ZBED3: variants seen among roughly 807,000 people sequenced by gnomAD.
ZBED3 encodes zinc finger BED domain-containing protein 3.
For missense variants in ZBED3, 388 were observed against 362.9 expected, an observed-to-expected ratio of 1.07 and a Z score of -0.56; for synonymous variants, 175 against 180.0, an observed-to-expected ratio of 0.97 and a Z score of 0.22.
intron 1 of ZBED3, among the ~76,000 whole-genome samples, chr5:77,083,666 T>A (rs1743176796): frequency 6.6e-6 from 1 of 152,228 alleles, no homozygotes; most frequent in Non-Finnish European, 1.5e-5. Context: ...TTTTAATGGC[T>A]AAAAGGCAGT....
At chr5:77,083,818 T>G (rs1479083682) in intron 1 of ZBED3, among the ~76,000 whole-genome samples, 1 of 152,200 alleles carries the variant, frequency 6.6e-6, no homozygotes, top group Admixed American at 6.5e-5. Flanking sequence ...TTTCACTTCC[T>G]AAATTGAACT....
intron 2 of ZBED3, among the ~76,000 whole-genome samples, chr5:77,078,139 C>T (rs1353303794): frequency 6.6e-6 from 1 of 152,186 alleles, no homozygotes; most frequent in Non-Finnish European, 1.5e-5. Context: ...CAAGTGGGTC[C>T]CCAGTCAACA....
At chr5:77,081,516 A>T (rs571065376) in intron 1 of ZBED3, among the ~76,000 whole-genome samples, 1 of 151,714 alleles carries the variant, frequency 6.6e-6, no homozygotes, top group South Asian at 2.1e-4. Context: ...TGCTTGGCTA[A>T]TTTTTGTATT....
chr5:77,079,438 A>G (rs1362819761), intron 1 of ZBED3: 2 of 152,260 alleles, frequency 1.3e-5, no homozygotes, highest in African/African-American at 4.8e-5. Flanking sequence ...AGTAGCATTT[A>G]GTGTAAACTA....
In ZBED3 at chr5:77,075,990, T is replaced by C. The variant is rs1447505654; in HGVS notation, c.*1184A>G. The C allele has an allele frequency of 4.2e-3, 182 of 43,302 alleles. 39 individuals are homozygous for C. Among genetic ancestry groups the C allele is most frequent in the Non-Finnish European group, 6.1e-3 (113 of 18,560 alleles). The allele number at this position is 43,302 out of a possible 1,614,324, so 2.7% of individuals were successfully genotyped here. ...ATGTATATGTATATATGTATATATA[T>C]ATGTATATATGTATATATATATGTA... On this transcript the variant is annotated 3_prime_UTR_variant, in exon 3 of 3. Coordinates refer to ENST00000255198, the MANE Select transcript of ZBED3 (RefSeq NM_032367.4).
Position 77,076,773 on chromosome 5 carries a change from G to A in ZBED3, c.*401C>T, listed in dbSNP as rs755043724. 2.5e-5 allele frequency: 4 copies of A among 159,942 alleles called. No individual in the cohort carries two copies. Among genetic ancestry groups the A allele is most frequent in the Non-Finnish European group, 5.4e-5 (4 of 74,094 alleles). The allele number at this position is 159,942 out of a possible 1,614,324, so 9.9% of individuals were successfully genotyped here. On this transcript the variant is annotated 3_prime_UTR_variant, in exon 3 of 3. Transcript: ENST00000255198. ...GCTGCTGGGTGTATAGGCACATGGTGTGATAAGTCTTTGGTATGGAATGAA... is the reference window on the plus strand; with the variant it reads ...GCTGCTGGGTGTATAGGCACATGGTATGATAAGTCTTTGGTATGGAATGAA...
rs1561296289 is a variant in ZBED3, at chr5:77,075,951, ATATATATATATATATG to A, written c.*1207_*1222del. ...CTTAAAGTATTATATATACATATAT[ATATATATATATATATG>A]TATATGTATATATGTATATATATAT... is the stretch of plus-strand genomic sequence containing the variant. On this transcript the variant is annotated 3_prime_UTR_variant, in exon 3 of 3. Coordinates refer to ENST00000255198, the MANE Select transcript of ZBED3 (RefSeq NM_032367.4). 6.0e-5 allele frequency: 2 copies of A among 33,540 alleles called. 1 individual carries two copies. The highest frequency in any genetic ancestry group is 2.0e-4 in the African/African-American group (2 of 9,874). 2.1% of individuals were successfully genotyped at this position (33,540 alleles called of 1,614,324 possible).
chr5:77,077,233 G>GC lies in ZBED3; in HGVS notation c.645dup (p.Leu216AlafsTer8). ...CTGTCACCCTCGGGGTCGTCCTTGA[G>GC]CGGCGGCGGCGCAGCGGGGGCCCAG... On this transcript the variant is annotated frameshift_variant, in exon 3 of 3. Coordinates refer to ENST00000255198, the MANE Select transcript of ZBED3 (RefSeq NM_032367.4). LOFTEE classifies it high-confidence loss of function. The GC allele has an allele frequency of 6.7e-7, 1 of 1,486,918 alleles. No homozygotes were observed. Among genetic ancestry groups the GC allele is most frequent in the African/African-American group, 1.4e-5 (1 of 69,630 alleles). The allele number at this position is 1,486,918 out of a possible 1,614,324, so 92.1% of individuals were successfully genotyped here.
In ZBED3 at chr5:77,074,734, A is replaced by T. The variant is rs543928716; in HGVS notation, c.*2440T>A. The T allele has an allele frequency of 1.3e-5, 2 of 152,340 alleles. No individual in the cohort carries two copies. The highest frequency in any genetic ancestry group is 4.8e-5 in the African/African-American group (2 of 41,544). 9.4% of individuals were successfully genotyped at this position (152,340 alleles called of 1,614,324 possible). On this transcript the variant is annotated 3_prime_UTR_variant, in exon 3 of 3. Transcript: ENST00000255198. ...GCTGGGTCGACTGAAGGAAGCAGAG[A>T]TCTCAGGAAGCAGTACATGGTGGTA...
chr5:77,078,279 T>C (rs925615092), intron 2 of ZBED3, among the ~76,000 whole-genome samples: 1 of 152,224 alleles, frequency 6.6e-6, no homozygotes, highest in Non-Finnish European at 1.5e-5. Context: ...ATAAAAAAGG[T>C]ACTGTCTTCA....
intron 1 of ZBED3, among the ~76,000 whole-genome samples, chr5:77,084,335 G>A (rs1046469425): frequency 2.6e-5 from 4 of 152,098 alleles, no homozygotes; most frequent in Admixed American, 1.3e-4. Context: ...TCACGAGCGC[G>A]GTTTCTCCCA....
chr5:77,075,969 A>ATATATGTATATATG lies in ZBED3; in HGVS notation c.*1204_*1205insCATATATACATATA, dbSNP rs1380894446. ...CATATATATATATATATATATATGT[A>ATATATGTATATATG]TATGTATATATGTATATATATATGT... is the stretch of plus-strand genomic sequence containing the variant. On this transcript the variant is annotated 3_prime_UTR_variant, in exon 3 of 3. Coordinates refer to ENST00000255198, the MANE Select transcript of ZBED3 (RefSeq NM_032367.4). 1 of 20,164 alleles carries ATATATGTATATATG rather than the reference A, an allele frequency of 5.0e-5. No individual in the cohort carries two copies. The highest frequency in any genetic ancestry group is 9.9e-5 in the Non-Finnish European group (1 of 10,138). 1.2% of individuals were successfully genotyped at this position (20,164 alleles called of 1,614,324 possible).
chr5:77,085,403 G>C, intron 1 of ZBED3, among the ~76,000 whole-genome samples: 1 of 152,222 alleles, frequency 6.6e-6, no homozygotes, highest in East Asian at 1.9e-4. Flanking sequence ...AAAGGCCAAA[G>C]AACCAGGCAC....
Position 77,075,964 on chromosome 5 carries a change from TATGTATATGTATATATG to T in ZBED3, c.*1193_*1209del, listed in dbSNP as rs1561296363. ...ATATACATATATATATATATATATATATGTATATGTATATATGTATATATATATGTATATATGTATAT... is the reference window on the plus strand; with the variant it reads ...ATATACATATATATATATATATATATTATATATATATGTATATATGTATAT... On this transcript the variant is annotated 3_prime_UTR_variant, in exon 3 of 3. Transcript: ENST00000255198. The T allele has an allele frequency of 8.6e-4, 20 of 23,254 alleles. 6 individuals carry two copies. The highest frequency in any genetic ancestry group is 2.7e-3 in the African/African-American group (11 of 4,060). The allele number at this position is 23,254 out of a possible 1,614,324, so 1.4% of individuals were successfully genotyped here. A position where few individuals can be genotyped will look rare whatever the true frequency, so the allele number is the denominator to read the frequency against.
chr5:77,077,629 C>A lies in ZBED3; in HGVS notation c.250G>T (p.Ala84Ser). The change falls in exon 3 of 3, where the codon GCG (alanine) becomes TCG (serine). Residue 84 changes from alanine (A) to serine (S), a missense_variant. Transcript: ENST00000255198. Reference sequence around the variant, plus strand: ...TGCCTCCACAACGCCGAGGTCCCCGCGTGGAAGCCCGGGCCGCGGCCCACC... The same window carrying A: ...TGCCTCCACAACGCCGAGGTCCCCGAGTGGAAGCCCGGGCCGCGGCCCACC... The part of the protein sequence containing the change: ...EQVGRGPGFH[A>S]GTSALWRHLR... 2.1e-6 allele frequency: 3 copies of A among 1,411,472 alleles called. No individual in the cohort carries two copies. The highest frequency in any genetic ancestry group is 1.5e-5 in the South Asian group (1 of 68,468). 87.4% of individuals were successfully genotyped at this position (1,411,472 alleles called of 1,614,324 possible). A position where few individuals can be genotyped will look rare whatever the true frequency, so the allele number is the denominator to read the frequency against.
At chr5:77,081,341 T>TC (rs1451181372) in intron 1 of ZBED3, among the ~76,000 whole-genome samples, 2 of 81,614 alleles carry the variant, frequency 2.5e-5, no homozygotes, top group East Asian at 5.5e-4. Flanking sequence ...TTTCTTTCTT[T>TC]TTTTTTTTTT....
In ZBED3 at chr5:77,078,691, C is replaced by T. The variant is rs1400278682; in HGVS notation, c.-115G>A. 1 of 152,184 alleles carries T rather than the reference C, an allele frequency of 6.6e-6. No individual in the cohort carries two copies. Among genetic ancestry groups the T allele is most frequent in the African/African-American group, 2.4e-5 (1 of 41,434 alleles). The allele number at this position is 152,184 out of a possible 1,614,324, so 9.4% of individuals were successfully genotyped here. A position where few individuals can be genotyped will look rare whatever the true frequency, so the allele number is the denominator to read the frequency against. ...CTCAGGTGGGTAGAAACAATGCATG[C>T]AACACGATTCCTGAGTTCTGAAGAA... On this transcript the variant is annotated 5_prime_UTR_variant, in exon 2 of 3. Coordinates refer to ENST00000255198, the MANE Select transcript of ZBED3 (RefSeq NM_032367.4).
rs1742984567 is a variant in ZBED3, at chr5:77,075,993, GTATATATGTA to G, written c.*1171_*1180del. On this transcript the variant is annotated 3_prime_UTR_variant, in exon 3 of 3. Coordinates refer to ENST00000255198, the MANE Select transcript of ZBED3 (RefSeq NM_032367.4). ...TATATGTATATATGTATATATATAT[GTATATATGTA>G]TATATATATGTATATATGTATATAT... The G allele has an allele frequency of 9.7e-5, 2 of 20,576 alleles. No homozygotes were observed. The highest frequency in any genetic ancestry group is 6.0e-4 in the Admixed American group (1 of 1,664). The allele number at this position is 20,576 out of a possible 1,614,324, so 1.3% of individuals were successfully genotyped here. A position where few individuals can be genotyped will look rare whatever the true frequency, so the allele number is the denominator to read the frequency against.
Position 77,077,174 on chromosome 5 carries a change from C to T in ZBED3, c.705G>A (p.Ter235=), listed in dbSNP as rs1171743793. 8.8e-6 allele frequency: 13 copies of T among 1,474,884 alleles called. No homozygotes were observed. The highest frequency in any genetic ancestry group is 1.2e-5 in the Non-Finnish European group (13 of 1,116,882). The allele number at this position is 1,474,884 out of a possible 1,614,324, so 91.4% of individuals were successfully genotyped here. A position where few individuals can be genotyped will look rare whatever the true frequency, so the allele number is the denominator to read the frequency against. Residue 235 remains the stop codon, a stop_retained_variant, in exon 3 of 3, where the codon TAG becomes TAA. Transcript: ENST00000255198. ...DGCVITKVLL[*] is the part of the protein sequence containing the mutation. ...CTGGGGTGGGGAAGTGGCCACACCC[C>T]TACAGGAGGACCTTTGTGATGACGC...
Sources: gnomAD v4.1 joint callset for allele counts (sites outside exome capture counted in the v4.1 genomes callset) on GRCh38, gnomAD v4.1.1 for gene constraint, MANE v1.5 for transcripts, NCBI Gene and HGNC (gene_info 2026-07-23, HGNC 2026-07-21) for gene names.